Variants in SEMA3E observed in about 807,000 individuals in gnomAD.
SEMA3E encodes semaphorin-3E.
In SEMA3E, 49 loss-of-function variants were observed where a neutral mutation model predicts 93.6. That is an observed-to-expected ratio of 0.52 (90% CI 0.42 to 0.66). The LOEUF (loss-of-function observed/expected upper bound fraction) is 0.66, where lower values mean the gene tolerates loss of function less well. SEMA3E is among the 30% of genes least tolerant of loss of function. SEMA3E has a pLI of 0.00. For synonymous variants in SEMA3E, 363 were observed against 330.7 expected (o/e 1.10, Z -1.06); for missense variants, 906 against 964.8 (o/e 0.94, Z 0.81).
intron 16 of SEMA3E, among the ~76,000 whole-genome samples, chr7:83,383,849 C>T (rs2116914364): frequency 6.6e-6 from 1 of 152,078 alleles, no homozygotes; most frequent in African/African-American, 2.4e-5. Context: ...TCTTCTGAAG[C>T]CATTCAGCTT....
At chr7:83,621,966 G>C (rs1793569466) in intron 1 of SEMA3E, among the ~76,000 whole-genome samples, 1 of 152,108 alleles carries the variant, frequency 6.6e-6, no homozygotes, top group Admixed American at 6.6e-5. Flanking sequence ...AAAAGCAATT[G>C]CAACAAATGC....
At chr7:83,439,349 A>G (rs1193042403) in intron 4 of SEMA3E, among the ~76,000 whole-genome samples, 1 of 152,198 alleles carries the variant, frequency 6.6e-6, no homozygotes, top group Non-Finnish European at 1.5e-5. Context: ...CTAACAGCCG[A>G]TTTGTTATTC....
At chr7:83,616,124 G>T (rs2115605051) in intron 1 of SEMA3E, among the ~76,000 whole-genome samples, 1 of 152,236 alleles carries the variant, frequency 6.6e-6, no homozygotes, top group Middle Eastern at 3.4e-3. Context: ...ATTATGTTCA[G>T]TTGGGGGTAA....
intron 1 of SEMA3E, among the ~76,000 whole-genome samples, chr7:83,523,324 C>A (rs1409721060): frequency 6.6e-6 from 1 of 151,872 alleles, no homozygotes; most frequent in East Asian, 1.9e-4. Context: ...CAAGAGAGTA[C>A]CAGCTTTTAG....
At chr7:83,571,449 C>A (rs1465250526) in intron 1 of SEMA3E, among the ~76,000 whole-genome samples, 2 of 152,064 alleles carry the variant, frequency 1.3e-5, no homozygotes, top group Non-Finnish European at 2.9e-5. Context: ...TATTCACCAC[C>A]CAAACAGAGT....
At chr7:83,603,924 A>C (rs1165251080) in intron 1 of SEMA3E, among the ~76,000 whole-genome samples, 2 of 152,160 alleles carry the variant, frequency 1.3e-5, no homozygotes, top group East Asian at 3.8e-4. Flanking sequence ...AAAGGCTATA[A>C]GAAGAAAATT....
At chr7:83,631,877 C>T (rs992013821) in intron 1 of SEMA3E, among the ~76,000 whole-genome samples, 6 of 152,120 alleles carry the variant, frequency 3.9e-5, no homozygotes, top group Non-Finnish European at 5.9e-5. Context: ...ACTGGTTGGC[C>T]GGGCACAGTG....
intron 1 of SEMA3E, among the ~76,000 whole-genome samples, chr7:83,560,508 A>G (rs1792009317): frequency 6.6e-6 from 1 of 152,074 alleles, no homozygotes; most frequent in Non-Finnish European, 1.5e-5. Flanking sequence ...ATTTTGTGTG[A>G]TTATATAGAA....
intron 2 of SEMA3E, among the ~76,000 whole-genome samples, chr7:83,471,614 A>G (rs1789895906): frequency 6.6e-6 from 1 of 152,114 alleles, no homozygotes; most frequent in African/African-American, 2.4e-5. Context: ...ACTGTGATCT[A>G]AGTCTTAATT....
chr7:83,595,500 G>A (rs1261715804), intron 1 of SEMA3E, among the ~76,000 whole-genome samples: 1 of 151,934 alleles, frequency 6.6e-6, no homozygotes, highest in Admixed American at 6.6e-5. Flanking sequence ...GCTTTATTCA[G>A]ATTTCACTGA....
chr7:83,405,917 CA>C lies in SEMA3E; in HGVS notation c.928+27del, dbSNP rs757180826. ...ATAAAGAAGCATATACATAAAAGAG[CA>C]AATTTAATTCACCTAAAAACATTTA... On this transcript the variant is annotated intron_variant, in intron 8 of 16. Coordinates refer to ENST00000643230, the MANE Select transcript of SEMA3E (RefSeq NM_012431.3). The C allele has an allele frequency of 5.9e-6, 9 of 1,520,664 alleles. No homozygotes were observed. In the Admixed American group the frequency reaches 1.5e-4, roughly 25 times the overall value. The allele number at this position is 1,520,664 out of a possible 1,614,324, so 94.2% of individuals were successfully genotyped here.
intron 2 of SEMA3E, among the ~76,000 whole-genome samples, chr7:83,481,045 A>G (rs1391092565): frequency 6.6e-6 from 1 of 152,226 alleles, no homozygotes; most frequent in Non-Finnish European, 1.5e-5. Context: ...AATAAAAGAA[A>G]AATGAACGGC....
At chr7:83,509,363 C>G (rs1446881685) in intron 1 of SEMA3E, among the ~76,000 whole-genome samples, 1 of 152,052 alleles carries the variant, frequency 6.6e-6, no homozygotes, top group Non-Finnish European at 1.5e-5. Flanking sequence ...AGGGCCCTGG[C>G]ACACAGATTT....
At chr7:83,376,053 GA>G (rs1239938887) in intron 16 of SEMA3E, among the ~76,000 whole-genome samples, 2 of 152,058 alleles carry the variant, frequency 1.3e-5, no homozygotes, top group African/African-American at 4.8e-5. Context: ...TGTTAGTTTA[GA>G]AAGATGAGCA....
At chr7:83,425,058 C>G in intron 4 of SEMA3E, 1 of 165,310 alleles carries the variant, frequency 6.0e-6, no homozygotes, top group Middle Eastern at 2.4e-3. Context: ...ATTGGTAATA[C>G]GGATCAGTGC....
intron 11 of SEMA3E, among the ~76,000 whole-genome samples, chr7:83,398,054 C>G (rs1487743454): frequency 6.6e-6 from 1 of 152,042 alleles, no homozygotes; most frequent in Non-Finnish European, 1.5e-5. Context: ...AAATATTGGA[C>G]AAAATATTAT....
chr7:83,419,832 A>AAG (rs34262790), intron 4 of SEMA3E, among the ~76,000 whole-genome samples: 80,773 of 151,724 alleles, frequency 0.53, 23,318 homozygotes, highest in East Asian at 0.84. Flanking sequence ...TCAAAATAAT[A>AAG]AGTCGTATAT....
chr7:83,511,982 TAAGA>T (rs1363249134), intron 1 of SEMA3E, among the ~76,000 whole-genome samples: 1 of 152,190 alleles, frequency 6.6e-6, no homozygotes. Context: ...AAGTATTTTC[TAAGA>T]AAGAAGCATA....
chr7:83,490,299 C>G, intron 1 of SEMA3E, 25 bp from the exon 2 acceptor site: 1 of 1,607,972 alleles, frequency 6.2e-7, no homozygotes, highest in Non-Finnish European at 8.5e-7. Context: ...GATACATACA[C>G]TAAGCACACG....
Sources: gnomAD v4.1 joint callset for allele counts (sites outside exome capture counted in the v4.1 genomes callset) on GRCh38, gnomAD v4.1.1 for gene constraint, MANE v1.5 for transcripts, NCBI Gene and HGNC (gene_info 2026-07-23, HGNC 2026-07-21) for gene names.